IL1RAPL1: variants seen among roughly 807,000 people sequenced by gnomAD.
The protein encoded by IL1RAPL1 is interleukin 1 receptor accessory protein like 1, also known as interleukin-1 receptor accessory protein-like 1.
A neutral mutation model predicts 48.4 loss-of-function variants in IL1RAPL1; 3 were observed. The ratio of observed to expected loss-of-function variants is 0.06; its 90% CI spans 0.03 to 0.16. The LOEUF (loss-of-function observed/expected upper bound fraction) is 0.16, where lower values mean the gene tolerates loss of function less well. Ranked by LOEUF, IL1RAPL1 falls within the 10% of genes least tolerant of loss-of-function variation. IL1RAPL1 has a pLI of 1.00. For synonymous variants in IL1RAPL1, 185 were observed against 187.7 expected (o/e 0.99, Z 0.12); for missense variants, 349 against 530.6 (o/e 0.66, Z 3.36).
chrX:29,002,916 T>TACACAC lies in IL1RAPL1; in HGVS notation c.82+213512_82+213517dup, dbSNP rs371924976. The stretch of plus-strand genomic sequence containing the variant: ...TAAGGAAATCAACCAGTTATGTGTG[T>TACACAC]ACACACACACACACACACACACACA... On this transcript the variant is annotated intron_variant, in intron 2 of 10. Coordinates refer to ENST00000378993, the MANE Select transcript of IL1RAPL1 (RefSeq NM_014271.4). 6.4e-3 allele frequency among the ~76,000 whole-genome samples: 656 copies of TACACAC among 102,991 alleles called. 5 individuals carry two copies. The highest frequency in any genetic ancestry group is 0.016 in the African/African-American group (458 of 28,084). 89.4% of individuals were successfully genotyped at this position (102,991 alleles called of 115,157 possible).
intron 2 of IL1RAPL1, among the ~76,000 whole-genome samples, chrX:28,948,986 C>T (rs1040191578): frequency 2.7e-5 from 3 of 110,850 alleles, no homozygotes; most frequent in Non-Finnish European, 3.8e-5. Flanking sequence ...ACTGAAACCA[C>T]GGAAAATGAA....
At chrX:29,791,425 A>T (rs181717390) in intron 6 of IL1RAPL1, among the ~76,000 whole-genome samples, 6,556 of 104,634 alleles carry the variant, frequency 0.063, 509 homozygotes, top group African/African-American at 0.22. Flanking sequence ...TTTTCTTTTT[A>T]TCTTTTTTTT....
At chrX:29,546,934 A>G (rs1482081574) in intron 5 of IL1RAPL1, among the ~76,000 whole-genome samples, 1 of 111,639 alleles carries the variant, frequency 9.0e-6, no homozygotes, top group Non-Finnish European at 1.9e-5. Flanking sequence ...CCAAATAGGC[A>G]ATGATGTGAT....
chrX:29,706,269 CT>C (rs1032067284), intron 6 of IL1RAPL1, among the ~76,000 whole-genome samples: 4 of 111,696 alleles, frequency 3.6e-5, no homozygotes, highest in East Asian at 5.6e-4. Flanking sequence ...CATTCTGCCC[CT>C]GGCCCCTCCT....
chrX:28,808,003 T>C (rs1388370701), intron 2 of IL1RAPL1, among the ~76,000 whole-genome samples: 2 of 110,951 alleles, frequency 1.8e-5, no homozygotes, highest in African/African-American at 6.5e-5. Context: ...TCAAGTAATA[T>C]GTAAGGACAG....
chrX:29,324,732 A>G (rs1932832550), intron 3 of IL1RAPL1, among the ~76,000 whole-genome samples: 1 of 111,591 alleles, frequency 9.0e-6, no homozygotes, highest in African/African-American at 3.3e-5. Context: ...ATCCTCAGGG[A>G]AGAACAAGGG....
At chrX:29,063,373 C>CT (rs1276644312) in intron 2 of IL1RAPL1, among the ~76,000 whole-genome samples, 1 of 111,183 alleles carries the variant, frequency 9.0e-6, no homozygotes, top group Non-Finnish European at 1.9e-5. Context: ...ACATGGAAGT[C>CT]TATATCCTCA....
chrX:29,503,096 T>C (rs1410573348), intron 5 of IL1RAPL1, among the ~76,000 whole-genome samples: 2 of 112,230 alleles, frequency 1.8e-5, no homozygotes, highest in Non-Finnish European at 3.8e-5. Flanking sequence ...TTGTTCATAA[T>C]AGTCTCTAAT....
At chrX:29,704,927 A>G (rs1363027976) in intron 6 of IL1RAPL1, among the ~76,000 whole-genome samples, 2 of 110,261 alleles carry the variant, frequency 1.8e-5, no homozygotes, top group African/African-American at 6.6e-5. Context: ...TAATTTTTTT[A>G]TTTTTATAAA....
At chrX:28,591,075 G>A (rs1933903529) in intron 1 of IL1RAPL1, among the ~76,000 whole-genome samples, 2 of 112,054 alleles carry the variant, frequency 1.8e-5, no homozygotes, top group African/African-American at 6.5e-5. Flanking sequence ...CATGATGGCA[G>A]TGGGTAATTT....
At chrX:29,785,568 C>G (rs778804145) in intron 6 of IL1RAPL1, among the ~76,000 whole-genome samples, 3 of 111,617 alleles carry the variant, frequency 2.7e-5, no homozygotes, top group Non-Finnish European at 5.7e-5. Context: ...GATGTGTATC[C>G]CAGAGAAATA....
intron 2 of IL1RAPL1, among the ~76,000 whole-genome samples, chrX:29,020,378 A>T (rs1926336489): frequency 8.9e-6 from 1 of 112,199 alleles, no homozygotes; most frequent in Non-Finnish European, 1.9e-5. Context: ...CTATGTTTAC[A>T]TATACAAATA....
At chrX:29,568,784 T>C (rs1214621251) in intron 5 of IL1RAPL1, among the ~76,000 whole-genome samples, 2 of 111,554 alleles carry the variant, frequency 1.8e-5, no homozygotes, top group Non-Finnish European at 3.8e-5. Context: ...TATGGTATAA[T>C]AGAGACCAAG....
At chrX:28,965,036 CACAT>C (rs1924886004) in intron 2 of IL1RAPL1, among the ~76,000 whole-genome samples, 1 of 111,405 alleles carries the variant, frequency 9.0e-6, no homozygotes, top group South Asian at 3.7e-4. Context: ...TACACACACA[CACAT>C]AGACACAAAG....
intron 5 of IL1RAPL1, among the ~76,000 whole-genome samples, chrX:29,576,544 C>G (rs1328858200): frequency 9.0e-6 from 1 of 111,174 alleles, no homozygotes; most frequent in South Asian, 3.8e-4. Context: ...CCCTGTAATC[C>G]TTATGATTAT....
chrX:29,306,748 C>T (rs1330081714), intron 3 of IL1RAPL1, among the ~76,000 whole-genome samples: 1 of 101,299 alleles, frequency 9.9e-6, no homozygotes, highest in African/African-American at 3.7e-5. Context: ...ATAGTCCCAG[C>T]TACTTGGGAG....
At chrX:29,376,379 T>TG (rs1244656311) in intron 3 of IL1RAPL1, among the ~76,000 whole-genome samples, 1 of 104,063 alleles carries the variant, frequency 9.6e-6, no homozygotes, top group Non-Finnish European at 2.0e-5. Context: ...TATAGTTTTA[T>TG]TTTTTTTTTT....
intron 6 of IL1RAPL1, among the ~76,000 whole-genome samples, chrX:29,846,513 G>A (rs777185422): frequency 5.4e-5 from 6 of 110,373 alleles, no homozygotes; most frequent in African/African-American, 2.0e-4. Flanking sequence ...CTAACATGAT[G>A]TCTCTATGTT....
chrX:28,992,502 G>GA (rs60650174), intron 2 of IL1RAPL1, among the ~76,000 whole-genome samples: 600 of 49,555 alleles, frequency 0.012, 8 homozygotes, highest in African/African-American at 0.035. Context: ...AAAAAAAAAA[G>GA]AAAAAAAAAA....
Sources: allele counts gnomAD v4.1 joint callset (sites outside exome capture counted in the v4.1 genomes callset), GRCh38; gene constraint gnomAD v4.1.1; transcripts MANE v1.5; gene names NCBI Gene and HGNC (gene_info 2026-07-23, HGNC 2026-07-21).